The following RAB27B variants were observed in gnomAD, a reference collection of about 807,000 sequenced individuals.
RAB27B encodes RAB27B, member RAS oncogene family.
RAB27B carries 15 observed loss-of-function variants against 24.6 expected under a neutral mutation model. That is an observed-to-expected ratio of 0.61 (90% CI 0.41 to 0.94). The LOEUF is 0.94. Among genes scored for constraint, RAB27B ranks in the 40% least tolerant of loss-of-function variants. The pLI, the probability that RAB27B is intolerant of heterozygous loss-of-function variation, is 0.00. For missense variants in RAB27B, 261 were observed against 266.8 expected, an observed-to-expected ratio of 0.98 and a Z score of 0.15; for synonymous variants, 105 against 92.5, an observed-to-expected ratio of 1.14 and a Z score of -0.78.
chr18:54,857,285 C>A lies in RAB27B; in HGVS notation c.-19-20282C>A, dbSNP rs370616399. Among the ~76,000 whole-genome samples the A allele has an allele frequency of 2.0e-5, 3 of 152,310 alleles. No homozygotes were observed. In the East Asian group the frequency reaches 5.8e-4, roughly 29 times the overall value. ...ACTCACACCTTTTACAAAAAACTCT[C>A]TCCTCTGTTCTCTTCTGCCCATCCG... On this transcript the variant is annotated intron_variant, in intron 1 of 5. Transcript: ENST00000262094.
At chr18:54,774,742 T>G (rs1474549656) in intron 2 of RAB27B, among the ~76,000 whole-genome samples, 1 of 152,252 alleles carries the variant, frequency 6.6e-6, no homozygotes, top group Non-Finnish European at 1.5e-5. Flanking sequence ...AACAATTGTT[T>G]AAGCCAGTAA....
chr18:54,784,676 T>C (rs914153517), intron 2 of RAB27B, among the ~76,000 whole-genome samples: 1 of 152,236 alleles, frequency 6.6e-6, no homozygotes, highest in Admixed American at 6.5e-5. Context: ...TAGTATTCCA[T>C]GGTATATACA....
chr18:54,877,423 C>T (rs1912746471), intron 1 of RAB27B, 144 bp from the exon 2 acceptor site: 1 of 601,496 alleles, frequency 1.7e-6, no homozygotes. Context: ...CCTAAAGCTG[C>T]TTTGATCAAG....
At chr18:54,857,501 A>T (rs1471646663) in intron 1 of RAB27B, among the ~76,000 whole-genome samples, 1 of 152,254 alleles carries the variant, frequency 6.6e-6, no homozygotes. Flanking sequence ...TATGATTTAT[A>T]CAATTTGTAT....
At chr18:54,871,068 T>C (rs991979163) in intron 1 of RAB27B, among the ~76,000 whole-genome samples, 3 of 152,258 alleles carry the variant, frequency 2.0e-5, no homozygotes, top group Non-Finnish European at 4.4e-5. Context: ...AAGTAATTTT[T>C]TGGTTGATGT....
rs1434359827 is a variant in RAB27B at position 54,888,039 on chromosome 18, T to C, written c.388T>C (p.Leu130=). Residue 130 remains leucine, a synonymous_variant, in exon 5 of 6, where the codon TTA becomes CTA. Transcript: ENST00000262094. Reference sequence around the variant, plus strand: ...TTATTGTGAAAATCCAGATATAGTATTAATTGGCAACAAGGCAGACCTACC... The same window carrying C: ...TTATTGTGAAAATCCAGATATAGTACTAATTGGCAACAAGGCAGACCTACC... The part of the protein sequence containing the change: ...NAYCENPDIV[L]IGNKADLPDQ... 1.9e-6 allele frequency: 3 copies of C among 1,613,118 alleles called. No individual in the cohort carries two copies. Among genetic ancestry groups the C allele is most frequent in the Non-Finnish European group, 8.5e-7 (1 of 1,179,344 alleles).
intron 2 of RAB27B, among the ~76,000 whole-genome samples, chr18:54,742,179 C>G (rs1197660901): frequency 1.3e-5 from 2 of 152,154 alleles, no homozygotes; most frequent in Non-Finnish European, 2.9e-5. Flanking sequence ...CAATTGTTTG[C>G]AAAATGACTT....
At position 54,888,043 on chromosome 18, in the gene RAB27B, T is replaced by C. The variant is rs1368902719; in HGVS notation, c.392T>C (p.Ile131Thr). 1.2e-6 allele frequency: 2 copies of C among 1,613,184 alleles called. No individual in the cohort carries two copies. The highest frequency in any genetic ancestry group is 1.7e-5 in the Admixed American group (1 of 59,968). The change falls in exon 5 of 6, where the codon ATT (isoleucine) becomes ACT (threonine). Residue 131 changes from isoleucine (I) to threonine (T), a missense_variant. By Grantham distance (89) the Ile-to-Thr change is moderately conservative (BLOSUM62 -1). Coordinates refer to ENST00000262094, the MANE Select transcript of RAB27B (RefSeq NM_004163.4). The stretch of plus-strand genomic sequence containing the variant: ...TGTGAAAATCCAGATATAGTATTAA[T>C]TGGCAACAAGGCAGACCTACCAGAT... ...AYCENPDIVL[I>T]GNKADLPDQR...
At chr18:54,802,961 T>C (rs112589674) in intron 2 of RAB27B, among the ~76,000 whole-genome samples, 4 of 152,370 alleles carry the variant, frequency 2.6e-5, no homozygotes, top group African/African-American at 9.6e-5. Context: ...ATAAGCATTT[T>C]GATTTAAAGT....
In RAB27B at chr18:54,783,070, G is replaced by A. The variant is rs952371195; in HGVS notation, c.-20+64929G>A. Among the ~76,000 whole-genome samples the A allele has an allele frequency of 4.0e-5, 6 of 151,890 alleles. No homozygotes were observed. The East Asian group carries it at 9.7e-4, about 24-fold the overall frequency. ...CTTCCTGGGTTCAAACGATTCTTCC[G>A]CCTCAGCCTCCCAAGTAGCTGGGAT... On this transcript the variant is annotated intron_variant, in intron 2 of 4. Coordinates refer to the RAB27B transcript ENST00000586570.
chr18:54,817,297 A>T (rs1398379193), intron 2 of RAB27B, among the ~76,000 whole-genome samples: 1 of 152,224 alleles, frequency 6.6e-6, no homozygotes. Context: ...AGATGAATTT[A>T]TCACGTATCT....
At chr18:54,843,946 A>G (rs890465935) in intron 1 of RAB27B, among the ~76,000 whole-genome samples, 75 of 152,310 alleles carry the variant, frequency 4.9e-4, no homozygotes, top group African/African-American at 1.8e-3. Context: ...CACAGTCCAA[A>G]CAAAGGACAG....
chr18:54,749,831 T>C (rs9962305), intron 2 of RAB27B, among the ~76,000 whole-genome samples: 9,694 of 152,154 alleles, frequency 0.064, 395 homozygotes, highest in African/African-American at 0.091. Context: ...GGGTTGGTTG[T>C]TTTTTTGTTT....
chr18:54,798,636 G>C (rs754751883), intron 2 of RAB27B, among the ~76,000 whole-genome samples: 6 of 152,204 alleles, frequency 3.9e-5, no homozygotes, highest in African/African-American at 7.2e-5. Context: ...AAGAAAATAG[G>C]AAAAACATAG....
At chr18:54,873,642 C>CA (rs567335973) in intron 1 of RAB27B, among the ~76,000 whole-genome samples, 2 of 145,370 alleles carry the variant, frequency 1.4e-5, no homozygotes, top group South Asian at 2.1e-4. Flanking sequence ...TTTTAGGACT[C>CA]AAAAAAATCA....
At chr18:54,878,522 C>T (rs575169690) in intron 2 of RAB27B, among the ~76,000 whole-genome samples, 21 of 152,170 alleles carry the variant, frequency 1.4e-4, no homozygotes, top group Middle Eastern at 3.4e-3. Flanking sequence ...AGTTGAATCA[C>T]GGTTTTTTTA....
chr18:54,816,968 C>G (rs1198204826), intron 2 of RAB27B, among the ~76,000 whole-genome samples: 1 of 151,984 alleles, frequency 6.6e-6, no homozygotes, highest in Admixed American at 6.6e-5. Flanking sequence ...TTGCTATAGA[C>G]TATTTTATTG....
At chr18:54,844,115 A>G (rs990583498) in intron 1 of RAB27B, among the ~76,000 whole-genome samples, 2 of 151,336 alleles carry the variant, frequency 1.3e-5, no homozygotes, top group African/African-American at 4.9e-5. Flanking sequence ...AACACAACAT[A>G]TAGATATAGT....
In RAB27B at chr18:54,888,362, T is replaced by C. The variant is rs549969756; in HGVS notation, c.467+244T>C. Among the ~76,000 whole-genome samples the C allele has an allele frequency of 2.0e-5, 3 of 152,248 alleles. No homozygotes were observed. The East Asian group carries it at 5.8e-4, about 29-fold the overall frequency. On this transcript the variant is annotated intron_variant, in intron 5 of 5. Transcript: ENST00000262094. Reference sequence around the variant, plus strand: ...CTAGACATTAACTCATTTTAACCCATCATAACTAGAGTTATCTCATTTTAT... The same window carrying C: ...CTAGACATTAACTCATTTTAACCCACCATAACTAGAGTTATCTCATTTTAT...
Sources: gnomAD v4.1 joint callset for allele counts (sites outside exome capture counted in the v4.1 genomes callset) on GRCh38, gnomAD v4.1.1 for gene constraint, MANE v1.5 for transcripts, NCBI Gene and HGNC (gene_info 2026-07-23, HGNC 2026-07-21) for gene names.